RNF212B: variants seen among roughly 807,000 people sequenced by gnomAD.
RNF212B encodes the protein E3 ubiquitin-protein ligase RNF212B.
RNF212B carries 52 observed loss-of-function variants against 55.5 expected under a neutral mutation model. The observed-to-expected ratio is 0.94, with a 90% CI of 0.75 to 1.18. The LOEUF (loss-of-function observed/expected upper bound fraction) is 1.18, where lower values mean the gene tolerates loss of function less well. Among genes scored for constraint, RNF212B ranks in the 50% most tolerant of loss-of-function variants. The pLI is 0.00. For synonymous variants in RNF212B, 99 were observed against 121.4 expected (o/e 0.82, Z 1.21); for missense variants, 289 against 350.4 (o/e 0.82, Z 1.40).
intron 1 of RNF212B, among the ~76,000 whole-genome samples, chr14:23,238,664 G>C (rs1883309403): frequency 6.6e-6 from 1 of 151,732 alleles, no homozygotes. Context: ...CTTGAGCCCA[G>C]GAGTTCCAGG....
intron 2 of RNF212B, among the ~76,000 whole-genome samples, chr14:23,193,942 A>G (rs1048055658): frequency 2.0e-5 from 3 of 152,088 alleles, no homozygotes; most frequent in Admixed American, 2.0e-4. Flanking sequence ...CCTGGGTTCA[A>G]GCGATTCTCC....
chr14:23,262,578 A>G (rs987842572), intron 7 of RNF212B, 87 bp from the exon 8 acceptor site: 1 of 1,140,576 alleles, frequency 8.8e-7, no homozygotes, highest in Admixed American at 2.5e-5. Context: ...CTATTATTCT[A>G]TAAACAATGA....
chr14:23,208,968 C>T (rs1880185925), intron 2 of RNF212B, among the ~76,000 whole-genome samples: 1 of 151,238 alleles, frequency 6.6e-6, no homozygotes, highest in Non-Finnish European at 1.5e-5. Flanking sequence ...TCGTGTTAGC[C>T]GGGATGGTCT....
chr14:23,224,352 T>C (rs531113647), intron 2 of RNF212B, among the ~76,000 whole-genome samples: 50 of 152,174 alleles, frequency 3.3e-4, no homozygotes, highest in African/African-American at 1.2e-3. Flanking sequence ...CTTCAAATTA[T>C]ACTGCAGAGC....
At chr14:23,241,799 C>A (rs1254697362) in intron 2 of RNF212B, among the ~76,000 whole-genome samples, 1 of 151,560 alleles carries the variant, frequency 6.6e-6, no homozygotes, top group Non-Finnish European at 1.5e-5. Flanking sequence ...AAAAGAAAAA[C>A]CTGGCCGGGC....
intron 2 of RNF212B, among the ~76,000 whole-genome samples, chr14:23,209,489 A>C (rs963052325): frequency 3.3e-5 from 5 of 152,226 alleles, no homozygotes; most frequent in African/African-American, 1.2e-4. Flanking sequence ...AGTATCTAAT[A>C]TTAGATATCC....
At chr14:23,236,314 G>A (rs2140427813), upstream of RNF212B, among the ~76,000 whole-genome samples, 2 of 152,266 alleles carry the variant, frequency 1.3e-5, no homozygotes, top group Middle Eastern at 3.4e-3. Flanking sequence ...AGGAGTTCGA[G>A]AGCAGCCTGG....
intron 2 of RNF212B, among the ~76,000 whole-genome samples, chr14:23,230,369 T>C (rs1230606793): frequency 2.0e-5 from 3 of 152,242 alleles, no homozygotes; most frequent in Middle Eastern, 3.4e-3. Context: ...AAAAAGCCAT[T>C]GCCGGCCGGG....
intron 12 of RNF212B, among the ~76,000 whole-genome samples, 159 bp downstream of exon 12, chr14:23,269,122 T>C (rs926530463): frequency 2.6e-5 from 4 of 152,020 alleles, no homozygotes; most frequent in Non-Finnish European, 5.9e-5. Flanking sequence ...ATGGCCAACA[T>C]GGCGAAACCC....
At position 23,264,040 on chromosome 14, in the gene RNF212B, C is replaced by T. The variant is rs1028565582; in HGVS notation, c.525-134C>T. On this transcript the variant is annotated intron_variant, in intron 9 of 14. Transcript: ENST00000430154. ...GATGCGGAGGCTGCAGTGAGCTAAG[C>T]TTGTGCCATTGTGCTCTAGCCTGGG... is the stretch of plus-strand genomic sequence containing the variant. 4.8e-6 allele frequency: 3 copies of T among 624,534 alleles called. No homozygotes were observed. In the African/African-American group the frequency reaches 5.5e-5, roughly 11 times the overall value. 38.7% of individuals were successfully genotyped at this position (624,534 alleles called of 1,614,324 possible).
At chr14:23,250,353 C>T (rs146615253) in intron 4 of RNF212B, among the ~76,000 whole-genome samples, 1,955 of 151,800 alleles carry the variant, frequency 0.013, 21 homozygotes, top group Non-Finnish European at 0.018. Context: ...CATGGTGGCG[C>T]GTGCCTGTAA....
chr14:23,201,501 C>T (rs1879283117), intron 2 of RNF212B, among the ~76,000 whole-genome samples: 1 of 152,110 alleles, frequency 6.6e-6, no homozygotes, highest in South Asian at 2.1e-4. Flanking sequence ...AACATTTATA[C>T]AAATACAGCT....
chr14:23,268,128 G>A (rs1188682266), intron 11 of RNF212B, among the ~76,000 whole-genome samples: 1 of 152,156 alleles, frequency 6.6e-6, no homozygotes, highest in Admixed American at 6.5e-5. Flanking sequence ...TAAGCTCTGA[G>A]CTCCAAGTCC....
chr14:23,235,279 A>G (rs972976207), upstream of RNF212B, among the ~76,000 whole-genome samples: 3 of 152,080 alleles, frequency 2.0e-5, no homozygotes, highest in Non-Finnish European at 4.4e-5. Flanking sequence ...GAGCCCAGGT[A>G]TTCTAGGCTG....
intron 2 of RNF212B, among the ~76,000 whole-genome samples, chr14:23,223,520 A>T (rs1450969534): frequency 6.6e-6 from 1 of 151,978 alleles, no homozygotes; most frequent in Non-Finnish European, 1.5e-5. Context: ...AAGCCCGGCT[A>T]ATTTTTTTGT....
intron 2 of RNF212B, among the ~76,000 whole-genome samples, chr14:23,228,044 A>G (rs1299106017): frequency 6.6e-6 from 1 of 151,140 alleles, no homozygotes; most frequent in Non-Finnish European, 1.5e-5. Context: ...CAGCCTGACC[A>G]ACATGGAGAA....
At chr14:23,229,569 C>T (rs1262036918) in intron 2 of RNF212B, among the ~76,000 whole-genome samples, 1 of 151,928 alleles carries the variant, frequency 6.6e-6, no homozygotes, top group African/African-American at 2.4e-5. Flanking sequence ...TTAGAAAATT[C>T]TAGCCACCCC....
At chr14:23,198,691 C>T (rs1165265282) in intron 2 of RNF212B, among the ~76,000 whole-genome samples, 4 of 150,800 alleles carry the variant, frequency 2.7e-5, no homozygotes, top group Non-Finnish European at 4.4e-5. Flanking sequence ...AAAAGGTCCA[C>T]GTACTGTATG....
intron 2 of RNF212B, among the ~76,000 whole-genome samples, chr14:23,230,446 A>G (rs190278370): frequency 1.2e-3 from 177 of 152,174 alleles, no homozygotes; most frequent in African/African-American, 3.9e-3. Flanking sequence ...CGAGGTCAAG[A>G]GATCGAGACC....
Sources: gnomAD v4.1 joint callset for allele counts (sites outside exome capture counted in the v4.1 genomes callset) on GRCh38, gnomAD v4.1.1 for gene constraint, MANE v1.5 for transcripts, NCBI Gene and HGNC (gene_info 2026-07-23, HGNC 2026-07-21) for gene names.